Variants in PTPN4 observed in about 807,000 individuals in gnomAD.
PTPN4 encodes tyrosine-protein phosphatase non-receptor type 4.
Under a neutral mutation model 135.5 loss-of-function variants are expected in PTPN4, and 49 were observed. The ratio of observed to expected loss-of-function variants is 0.36; its 90% CI spans 0.29 to 0.46. The LOEUF is 0.46. Ranked by LOEUF, PTPN4 falls within the 20% of genes least tolerant of loss-of-function variation. The probability of loss-of-function intolerance (pLI) is 1.00; values close to 1 mark genes in which losing one functional copy is unlikely to be tolerated. For missense variants in PTPN4, 860 were observed against 1,101.0 expected, an observed-to-expected ratio of 0.78 and a Z score of 3.10; for synonymous variants, 333 against 369.9, an observed-to-expected ratio of 0.90 and a Z score of 1.14.
intron 1 of PTPN4, among the ~76,000 whole-genome samples, chr2:119,772,899 T>C (rs910726269): frequency 3.3e-5 from 5 of 152,172 alleles, no homozygotes; most frequent in African/African-American, 1.2e-4. Context: ...GAATCAAGAA[T>C]GTTACTTAAT....
chr2:119,955,902 A>C (rs1034440815), intron 20 of PTPN4, among the ~76,000 whole-genome samples: 10 of 152,076 alleles, frequency 6.6e-5, no homozygotes, highest in African/African-American at 1.7e-4. Flanking sequence ...GCGCCACTGC[A>C]CTCCAGCCTG....
At position 119,856,830 on chromosome 2, in the gene PTPN4, C is replaced by T. The variant is rs533576380; in HGVS notation, c.139-5706C>T. Reference sequence around the variant, plus strand: ...TGAGATTCTCTGTCCAATATTGTACCCTGAGGGTGCTACAGTCTATAATCC... The same window carrying T: ...TGAGATTCTCTGTCCAATATTGTACTCTGAGGGTGCTACAGTCTATAATCC... On this transcript the variant is annotated intron_variant, in intron 2 of 26. Coordinates refer to ENST00000263708, the MANE Select transcript of PTPN4 (RefSeq NM_002830.4). Among the ~76,000 whole-genome samples, 8 of 152,178 alleles carry T rather than the reference C, an allele frequency of 5.3e-5. No individual in the cohort carries two copies. In the South Asian group the frequency reaches 1.7e-3, roughly 32 times the overall value.
intron 3 of PTPN4, among the ~76,000 whole-genome samples, chr2:119,870,698 A>G (rs1470383075): frequency 6.6e-6 from 1 of 152,204 alleles, no homozygotes; most frequent in South Asian, 2.1e-4. Flanking sequence ...TATTATAATG[A>G]TGGTATTCAA....
chr2:119,816,816 A>C (rs1676993463), intron 2 of PTPN4, among the ~76,000 whole-genome samples: 1 of 152,230 alleles, frequency 6.6e-6, no homozygotes, highest in Non-Finnish European at 1.5e-5. Flanking sequence ...CTGTTGTAGC[A>C]ATCTCAGGAT....
At chr2:119,782,732 A>C (rs1690965358) in intron 1 of PTPN4, among the ~76,000 whole-genome samples, 1 of 98,526 alleles carries the variant, frequency 1.0e-5, no homozygotes, top group African/African-American at 4.0e-5. Flanking sequence ...TTTTGAGACG[A>C]CCTCACTCTG....
chr2:119,807,559 G>T (rs2104946538), intron 1 of PTPN4, among the ~76,000 whole-genome samples: 1 of 152,234 alleles, frequency 6.6e-6, no homozygotes, highest in African/African-American at 2.4e-5. Context: ...CCAATAACAG[G>T]CTCTGAAATT....
At chr2:119,809,707 G>T in intron 1 of PTPN4, 130 bp from the exon 2 acceptor site, 1 of 753,632 alleles carries the variant, frequency 1.3e-6, no homozygotes, top group South Asian at 2.4e-5. Flanking sequence ...TTCTTATTCT[G>T]GTGTTTCAAA....
At chr2:119,935,445 TAA>T (rs987411824) in intron 15 of PTPN4, among the ~76,000 whole-genome samples, 1 of 151,940 alleles carries the variant, frequency 6.6e-6, no homozygotes, top group Non-Finnish European at 1.5e-5. Flanking sequence ...CGATCAGGGG[TAA>T]AGAGTGGGCC....
chr2:119,760,426 C>T (rs1690461132), intron 1 of PTPN4, 42 bp downstream of exon 1: 4 of 387,910 alleles, frequency 1.0e-5, no homozygotes, highest in African/African-American at 4.2e-5. Flanking sequence ...CGGCCCTGCA[C>T]GTTGAACGGG....
chr2:119,788,408 T>C (rs1460417569), intron 1 of PTPN4, among the ~76,000 whole-genome samples: 2 of 152,180 alleles, frequency 1.3e-5, no homozygotes, highest in African/African-American at 4.8e-5. Context: ...AATGTTATGT[T>C]TTAAAAAATT....
intron 10 of PTPN4, among the ~76,000 whole-genome samples, chr2:119,903,219 T>G (rs1037517596): frequency 2.6e-5 from 4 of 152,094 alleles, no homozygotes; most frequent in African/African-American, 9.7e-5. Flanking sequence ...ACATTACCAT[T>G]GACAGCAACT....
intron 12 of PTPN4, among the ~76,000 whole-genome samples, chr2:119,924,125 A>G (rs1260102205): frequency 4.5e-5 from 6 of 133,580 alleles, no homozygotes; most frequent in Admixed American, 1.6e-4. Flanking sequence ...CGACAGAGTG[A>G]GACTCCGTCT....
intron 18 of PTPN4, among the ~76,000 whole-genome samples, chr2:119,948,596 A>T (rs1375804832): frequency 6.6e-6 from 1 of 152,148 alleles, no homozygotes; most frequent in Non-Finnish European, 1.5e-5. Context: ...AAATAATCAA[A>T]TGTGGACTAG....
chr2:119,872,863 A>G (rs564584623), intron 3 of PTPN4, among the ~76,000 whole-genome samples: 23 of 152,364 alleles, frequency 1.5e-4, no homozygotes, highest in African/African-American at 5.5e-4. Context: ...ATAAGCTAGA[A>G]TTTAATCTCC....
intron 12 of PTPN4, among the ~76,000 whole-genome samples, chr2:119,925,514 T>A (rs904628603): frequency 6.6e-6 from 1 of 152,162 alleles, no homozygotes; most frequent in Non-Finnish European, 1.5e-5. Flanking sequence ...GAAGTAGGAA[T>A]GGGAGAACTT....
intron 11 of PTPN4, among the ~76,000 whole-genome samples, chr2:119,919,617 G>T (rs953248339): frequency 2.0e-5 from 3 of 152,096 alleles, no homozygotes; most frequent in African/African-American, 7.2e-5. Context: ...GAGGTCAGGA[G>T]TTCAAGACCA....
chr2:119,782,700 AC>A (rs1285406622), intron 1 of PTPN4, among the ~76,000 whole-genome samples: 1 of 49,928 alleles, frequency 2.0e-5, no homozygotes, highest in Non-Finnish European at 4.3e-5. Context: ...AGGCTATGAA[AC>A]CCCCCCACCC....
rs529405490 is a variant in PTPN4, at chr2:119,856,731, G to A, written c.139-5805G>A. ...TTAACAGACTTATTGGTAGTAAAACGCTCATGTTTACTTCCTGTTAGTAAC... is the reference window on the plus strand; with the variant it reads ...TTAACAGACTTATTGGTAGTAAAACACTCATGTTTACTTCCTGTTAGTAAC... On this transcript the variant is annotated intron_variant, in intron 2 of 26. Transcript: ENST00000263708. Among the ~76,000 whole-genome samples, 8 of 152,196 alleles carry A rather than the reference G, an allele frequency of 5.3e-5. No individual in the cohort carries two copies. In the South Asian group the frequency reaches 1.2e-3, roughly 24 times the overall value.
chr2:119,901,353 T>G (rs1183630145), intron 10 of PTPN4, among the ~76,000 whole-genome samples: 1 of 152,184 alleles, frequency 6.6e-6, no homozygotes. Context: ...GAATCACAAC[T>G]AAAATAACTG....
Sources: gnomAD v4.1 joint callset for allele counts (sites outside exome capture counted in the v4.1 genomes callset) on GRCh38, gnomAD v4.1.1 for gene constraint, MANE v1.5 for transcripts, NCBI Gene and HGNC (gene_info 2026-07-23, HGNC 2026-07-21) for gene names.